Variants in GNG7 observed in about 807,000 individuals in gnomAD.
The protein encoded by GNG7 is guanine nucleotide-binding protein G(I)/G(S)/G(O) subunit gamma-7.
GNG7 carries 1 observed loss-of-function variant against 4.0 expected under a neutral mutation model. The ratio of observed to expected loss-of-function variants is 0.25; its 90% CI spans 0.09 to 1.18. The LOEUF (loss-of-function observed/expected upper bound fraction) is 1.18, where lower values mean the gene tolerates loss of function less well. Among genes scored for constraint, GNG7 ranks in the 50% most tolerant of loss-of-function variants. The pLI is 0.50. For missense variants in GNG7, 86 were observed against 91.9 expected, an observed-to-expected ratio of 0.94 and a Z score of 0.26; for synonymous variants, 34 against 36.9, an observed-to-expected ratio of 0.92 and a Z score of 0.29.
At chr19:2,596,089 T>A (rs1051694378) in intron 2 of GNG7, among the ~76,000 whole-genome samples, 1 of 152,194 alleles carries the variant, frequency 6.6e-6, no homozygotes, top group Non-Finnish European at 1.5e-5. Flanking sequence ...CCGGGCGCGG[T>A]GGCTCATATC....
At chr19:2,697,002 G>A (rs142427816) in intron 1 of GNG7, among the ~76,000 whole-genome samples, 113 of 152,154 alleles carry the variant, frequency 7.4e-4, no homozygotes, top group African/African-American at 2.4e-3. Flanking sequence ...ACAGGCGCCC[G>A]GCTAATTTTT....
At chr19:2,568,662 CATACACATACACAT>C (rs1489822440) in intron 2 of GNG7, among the ~76,000 whole-genome samples, 1 of 150,762 alleles carries the variant, frequency 6.6e-6, no homozygotes, top group Non-Finnish European at 1.5e-5. Flanking sequence ...CACATATACA[CATACACATACACAT>C]ATATACACAT....
chr19:2,524,574 G>A lies in GNG7; in HGVS notation c.-37-3849C>T, dbSNP rs992129192. 3.3e-5 allele frequency among the ~76,000 whole-genome samples: 5 copies of A among 152,368 alleles called. No individual in the cohort carries two copies. In the South Asian group the frequency reaches 6.2e-4, roughly 19 times the overall value. Reference sequence around the variant, plus strand: ...TACCTGCATATGCATGGGTGTGCACGTCAGCATGCATATGAGTGTGCATCC... The same window carrying A: ...TACCTGCATATGCATGGGTGTGCACATCAGCATGCATATGAGTGTGCATCC... On this transcript the variant is annotated intron_variant, in intron 3 of 4. Transcript: ENST00000382159.
chr19:2,568,565 A>G (rs1038832643), intron 2 of GNG7, among the ~76,000 whole-genome samples: 1 of 150,582 alleles, frequency 6.6e-6, no homozygotes, highest in Non-Finnish European at 1.5e-5. Context: ...ACACACATAT[A>G]CACACATACA....
intron 2 of GNG7, among the ~76,000 whole-genome samples, chr19:2,588,590 C>A (rs1435924443): frequency 2.0e-5 from 3 of 152,278 alleles, no homozygotes; most frequent in Non-Finnish European, 2.9e-5. Flanking sequence ...CAGTCAGGGG[C>A]CGTATTTCTT....
At chr19:2,591,038 C>T (rs111571640) in intron 2 of GNG7, among the ~76,000 whole-genome samples, 48 of 152,342 alleles carry the variant, frequency 3.2e-4, no homozygotes, top group African/African-American at 1.2e-3. Context: ...TATTCTTACT[C>T]ATTTTAAAAT....
intron 3 of GNG7, among the ~76,000 whole-genome samples, chr19:2,548,047 T>C (rs1979185227): frequency 6.6e-6 from 1 of 152,150 alleles, no homozygotes; most frequent in Non-Finnish European, 1.5e-5. Flanking sequence ...ACCAGTATCA[T>C]GTGTGACATC....
chr19:2,612,148 C>T (rs1005174561), intron 2 of GNG7, among the ~76,000 whole-genome samples: 2 of 152,142 alleles, frequency 1.3e-5, no homozygotes, highest in African/African-American at 4.8e-5. Flanking sequence ...GCTGGGACTA[C>T]AGGTGTGAGC....
intron 2 of GNG7, among the ~76,000 whole-genome samples, chr19:2,601,200 C>G (rs1981189186): frequency 6.6e-6 from 1 of 152,148 alleles, no homozygotes; most frequent in Non-Finnish European, 1.5e-5. Flanking sequence ...GTTTGCTTGA[C>G]TCCAAAGCTG....
In GNG7 at chr19:2,684,950, C is replaced by T. The variant is rs546620186; in HGVS notation, c.-135+17696G>A. 2.0e-5 allele frequency among the ~76,000 whole-genome samples: 3 copies of T among 152,216 alleles called. No homozygotes were observed. In the East Asian group the frequency reaches 5.8e-4, roughly 30 times the overall value. On this transcript the variant is annotated intron_variant, in intron 1 of 4. Transcript: ENST00000382159. ...ACCAGCCTGGCCAACATGGAGAAAC[C>T]TTGTCTCTACTAAAAATACAAAAAT...
intron 2 of GNG7, among the ~76,000 whole-genome samples, chr19:2,567,918 C>T (rs1057343768): frequency 1.3e-5 from 2 of 152,142 alleles, no homozygotes; most frequent in Non-Finnish European, 1.5e-5. Flanking sequence ...GAGAGAAGGG[C>T]GTTGCCATTC....
chr19:2,516,147 G>A (rs527430563), intron 4 of GNG7, among the ~76,000 whole-genome samples: 13 of 152,128 alleles, frequency 8.5e-5, no homozygotes, highest in African/African-American at 2.9e-4. Flanking sequence ...AGCCTGGGAG[G>A]TTAAGGCTGC....
intron 3 of GNG7, among the ~76,000 whole-genome samples, chr19:2,524,488 A>C (rs941365506): frequency 1.3e-5 from 2 of 152,190 alleles, no homozygotes; most frequent in African/African-American, 4.8e-5. Flanking sequence ...GTGTATGTGT[A>C]TACTGGCATT....
intron 1 of GNG7, among the ~76,000 whole-genome samples, chr19:2,677,959 A>G (rs1983636081): frequency 6.6e-6 from 1 of 152,216 alleles, no homozygotes; most frequent in South Asian, 2.1e-4. Context: ...GACTGACCAT[A>G]GCCACATGCA....
chr19:2,657,395 T>TACACAC (rs1425989232), intron 1 of GNG7, among the ~76,000 whole-genome samples: 6 of 94,406 alleles, frequency 6.4e-5, no homozygotes, highest in African/African-American at 2.7e-4. Flanking sequence ...TATATATATA[T>TACACAC]ATATACACAT....
At chr19:2,686,591 G>T (rs1057108441) in intron 1 of GNG7, among the ~76,000 whole-genome samples, 2 of 152,110 alleles carry the variant, frequency 1.3e-5, no homozygotes, top group Admixed American at 1.3e-4. Flanking sequence ...CCGGCAGGAC[G>T]CATATGTCTC....
chr19:2,627,348 C>A (rs571665075), intron 2 of GNG7, among the ~76,000 whole-genome samples: 1 of 152,250 alleles, frequency 6.6e-6, no homozygotes, highest in South Asian at 2.1e-4. Flanking sequence ...TGTTAAATGG[C>A]GGTAAGGGGG....
chr19:2,637,402 C>G (rs1982345326), intron 2 of GNG7, among the ~76,000 whole-genome samples: 1 of 151,854 alleles, frequency 6.6e-6, no homozygotes, highest in South Asian at 2.1e-4. Flanking sequence ...CCCCCGCAGG[C>G]GCCTGCACCC....
At chr19:2,553,064 G>A (rs749546215) in intron 3 of GNG7, among the ~76,000 whole-genome samples, 32 of 150,522 alleles carry the variant, frequency 2.1e-4, no homozygotes, top group Non-Finnish European at 3.7e-4. Flanking sequence ...ACCAAAAGTT[G>A]GTTCTTTGAA....
Sources: allele counts gnomAD v4.1 joint callset (sites outside exome capture counted in the v4.1 genomes callset), GRCh38; gene constraint gnomAD v4.1.1; transcripts MANE v1.5; gene names NCBI Gene and HGNC (gene_info 2026-07-23, HGNC 2026-07-21).